The following SPATA21 variants were observed in gnomAD, a reference collection of about 807,000 sequenced individuals.
SPATA21 encodes the protein spermatogenesis associated 21.
Under a neutral mutation model 54.8 loss-of-function variants are expected in SPATA21, and 47 were observed. That is an observed-to-expected ratio of 0.86 (90% confidence interval 0.68 to 1.09). The LOEUF (loss-of-function observed/expected upper bound fraction) is 1.09. SPATA21 is among the 50% of genes least tolerant of loss of function. The pLI is 0.00. For missense variants in SPATA21, 599 were observed against 596.4 expected (o/e 1.00, Z -0.05); for synonymous variants, 245 against 235.3 (o/e 1.04, Z -0.38).
chr1:16,426,557 C>CTA (rs778670029), intron 3 of SPATA21, among the ~76,000 whole-genome samples: 4,875 of 85,656 alleles, frequency 0.057, 254 homozygotes, highest in Non-Finnish European at 0.075. Flanking sequence ...TGGTGCCCGG[C>CTA]TATATATATA....
At chr1:16,416,390 G>A (rs890297968) in intron 5 of SPATA21, among the ~76,000 whole-genome samples, 9 of 152,034 alleles carry the variant, frequency 5.9e-5, no homozygotes, top group African/African-American at 2.2e-4. Context: ...TAAAGAATGT[G>A]GTGGGGGCCG....
chr1:16,407,102 C>A (rs2085667069), intron 7 of SPATA21, among the ~76,000 whole-genome samples: 1 of 152,228 alleles, frequency 6.6e-6, no homozygotes. Context: ...TCAGTGCTGG[C>A]ACACAATAGC....
rs551243237 is a variant in SPATA21 at position 16,425,894 on chromosome 1, T to C, written c.35-3923A>G. On this transcript the variant is annotated intron_variant, in intron 3 of 12. Transcript: ENST00000335496. ...ATCATAGACACTTTGATGTCAATGT[T>C]TGGGGGAGTTAAAATTTAAACTTTC... Among the ~76,000 whole-genome samples the C allele has an allele frequency of 3.9e-5, 6 of 152,108 alleles. No homozygotes were observed. The South Asian group carries it at 8.3e-4, about 21-fold the overall frequency.
At chr1:16,425,047 TA>T in intron 3 of SPATA21, 1 of 341,430 alleles carries the variant, frequency 2.9e-6, no homozygotes, top group South Asian at 2.1e-5. Flanking sequence ...GCCTCTTGAG[TA>T]GCTGGGATTA....
chr1:16,420,600 A>G (rs2086143649), intron 5 of SPATA21, among the ~76,000 whole-genome samples: 1 of 152,164 alleles, frequency 6.6e-6, no homozygotes. Flanking sequence ...GTCCTGTAGT[A>G]ACGCAGAGAG....
At chr1:16,401,305 G>A (rs993971580) in intron 10 of SPATA21, among the ~76,000 whole-genome samples, 5 of 152,170 alleles carry the variant, frequency 3.3e-5, no homozygotes, top group Admixed American at 2.0e-4. Context: ...GGGGAGGGGC[G>A]TGGCGGGGAG....
intron 3 of SPATA21, chr1:16,427,838 G>T (rs1268766445): frequency 2.0e-6 from 3 of 1,537,264 alleles, no homozygotes. Context: ...TCTTGGACCT[G>T]TTCTCTCGAG....
At chr1:16,402,411 G>A (rs755116105) in intron 10 of SPATA21, among the ~76,000 whole-genome samples, 23 of 150,588 alleles carry the variant, frequency 1.5e-4, no homozygotes, top group Non-Finnish European at 3.3e-4. Context: ...ACAGGCACCC[G>A]CCACCACGCC....
At position 16,400,774 on chromosome 1, in the gene SPATA21, C is replaced by T; in HGVS notation, c.1120G>A (p.Val374Ile). ...YNPQQEESSEVPERKVLSILS... is the reference protein window; with the variant it reads ...YNPQQEESSEIPERKVLSILS... ...ATACTGAGGACCTTTCGTTCTGGAA[C>T]TTCTGAGCTCTCTTCTTGCTGGGGG... Residue 374 changes from valine to isoleucine, a missense_variant, in exon 11 of 13, where the codon GTT (valine) becomes ATT (isoleucine). Coordinates refer to ENST00000335496, the MANE Select transcript of SPATA21 (RefSeq NM_198546.1). 1.9e-6 allele frequency: 3 copies of T among 1,614,064 alleles called. No individual in the cohort carries two copies. Among genetic ancestry groups the T allele is most frequent in the Non-Finnish European group, 1.7e-6 (2 of 1,179,990 alleles).
At chr1:16,430,853 C>T (rs1472098270) in intron 3 of SPATA21, among the ~76,000 whole-genome samples, 1 of 152,182 alleles carries the variant, frequency 6.6e-6, no homozygotes, top group Non-Finnish European at 1.5e-5. Context: ...ATGCTAGAGA[C>T]TTGTTTCAAC....
In SPATA21 at chr1:16,409,480, A is replaced by C; in HGVS notation, c.587+121T>G. On this transcript the variant is annotated intron_variant, in intron 6 of 12. Transcript: ENST00000335496. This position sits in a 1 kb window ranked among gnomAD's most constrained non-coding sequence, Gnocchi z 4.1. ...TGCGGAGAGGAGACACATGAGGAGAAATGGAGAGAGGGGGACACACGAGGG... is the reference window on the plus strand; with the variant it reads ...TGCGGAGAGGAGACACATGAGGAGACATGGAGAGAGGGGGACACACGAGGG... 1 of 1,076,866 alleles carries C rather than the reference A, an allele frequency of 9.3e-7. No homozygotes were observed. The highest frequency in any genetic ancestry group is 1.3e-6 in the Non-Finnish European group (1 of 754,528). The allele number at this position is 1,076,866 out of a possible 1,614,324, so 66.7% of individuals were successfully genotyped here. A position where few individuals can be genotyped will look rare whatever the true frequency, so the allele number is the denominator to read the frequency against.
At chr1:16,434,551 C>T (rs2086539923) in intron 1 of SPATA21, among the ~76,000 whole-genome samples, 1 of 152,120 alleles carries the variant, frequency 6.6e-6, no homozygotes, top group African/African-American at 2.4e-5. Flanking sequence ...CCACCTTGGC[C>T]TCCCAAAGTG....
intron 3 of SPATA21, among the ~76,000 whole-genome samples, chr1:16,424,223 G>A (rs2086254232): frequency 1.8e-5 from 2 of 109,652 alleles, no homozygotes; most frequent in Non-Finnish European, 3.7e-5. Flanking sequence ...TGAGGCAGGA[G>A]AATGGCATGA....
chr1:16,421,528 G>C lies in SPATA21; in HGVS notation c.125C>G (p.Pro42Arg), dbSNP rs748444183. The change falls in exon 5 of 13, where the codon CCG becomes CGG. Residue 42 changes from proline (P) to arginine (R), a missense_variant. Pro to Arg is a moderately radical substitution (Grantham distance 103). Coordinates refer to ENST00000335496, the MANE Select transcript of SPATA21 (RefSeq NM_198546.1). This position sits in a 1 kb window ranked among gnomAD's most constrained non-coding sequence, Gnocchi z 5.2. ...GGEAVETHPA[P>R]GPLPPPEVRD... ...ACTTACTGGTGGAGGAAGAGGCCCC[G>C]GTGCTGGGTGGGTCTCCACAGCCTC... is the stretch of plus-strand genomic sequence containing the variant. 5 of 1,613,538 alleles carry C rather than the reference G, an allele frequency of 3.1e-6. No individual in the cohort carries two copies. Among genetic ancestry groups the C allele is most frequent in the Non-Finnish European group, 4.2e-6 (5 of 1,179,812 alleles).
intron 3 of SPATA21, chr1:16,422,309 T>C: frequency 1.0e-6 from 1 of 962,792 alleles, no homozygotes; most frequent in Admixed American, 4.0e-5. Context: ...GTCCCAGCAC[T>C]TCAGGCATCA....
chr1:16,410,809 G>A (rs1441765945), intron 5 of SPATA21: 1 of 404,924 alleles, frequency 2.5e-6, no homozygotes, highest in Admixed American at 2.7e-5. Context: ...GCCTCCCAAA[G>A]TGCTGGGATG....
Position 16,421,408 on chromosome 1 carries a change from G to T in SPATA21, c.144+101C>A. 1 of 1,183,100 alleles carries T rather than the reference G, an allele frequency of 8.5e-7. No individual in the cohort carries two copies. The highest frequency in any genetic ancestry group is 1.2e-6 in the Non-Finnish European group (1 of 841,496). The allele number at this position is 1,183,100 out of a possible 1,614,324, so 73.3% of individuals were successfully genotyped here. On this transcript the variant is annotated intron_variant, in intron 5 of 12. Transcript: ENST00000335496. The surrounding 1 kb of genome is among the most constrained non-coding windows in gnomAD (Gnocchi z 5.2). Reference sequence around the variant, plus strand: ...CTTCCTTGGTTTGACTCCAAATAGGGGTTTGACGTGCCACATCCGCTTCTG... The same window carrying T: ...CTTCCTTGGTTTGACTCCAAATAGGTGTTTGACGTGCCACATCCGCTTCTG...
intron 7 of SPATA21, among the ~76,000 whole-genome samples, chr1:16,405,466 G>A (rs1300149434): frequency 7.5e-6 from 1 of 133,208 alleles, no homozygotes; most frequent in African/African-American, 2.9e-5. Flanking sequence ...AACACAGGGA[G>A]ACCCCATCTC....
Position 16,409,867 on chromosome 1 carries a change from G to C in SPATA21, c.321C>G (p.Ser107=), listed in dbSNP as rs1272167779. 29 of 1,610,928 alleles carry C rather than the reference G, an allele frequency of 1.8e-5. 1 individual carries two copies. The Admixed American group carries it at 4.7e-4, about 26-fold the overall frequency. Residue 107 remains serine (S), a synonymous_variant, in exon 6 of 13, where the codon TCC becomes TCG. Coordinates refer to ENST00000335496, the MANE Select transcript of SPATA21 (RefSeq NM_198546.1). The surrounding 1 kb of genome is among the most constrained non-coding windows in gnomAD (Gnocchi z 4.1). Reference sequence around the variant, plus strand: ...TCCTGGGCGACTTCTGGGCTGTCTGGGACCGGGCCTTCGAGGCTCTCCGAT... The same window carrying C: ...TCCTGGGCGACTTCTGGGCTGTCTGCGACCGGGCCTTCGAGGCTCTCCGAT... ...ASHRRASKAR[S]QTAQKSPRTL... is the part of the protein sequence containing the mutation.
Sources: gnomAD v4.1 joint callset for allele counts (sites outside exome capture counted in the v4.1 genomes callset) on GRCh38, gnomAD v4.1.1 for gene constraint, Gnocchi (gnomAD v3.1) non-coding constraint, MANE v1.5 for transcripts, NCBI Gene and HGNC (gene_info 2026-07-23, HGNC 2026-07-21) for gene names.